The following RPS6KA5 variants were observed in gnomAD, a reference collection of about 807,000 sequenced individuals.
RPS6KA5 encodes ribosomal protein S6 kinase A5, also known as ribosomal protein S6 kinase alpha-5.
A neutral mutation model predicts 85.5 loss-of-function variants in RPS6KA5; 27 were observed. That is an observed-to-expected ratio of 0.32 (90% CI 0.23 to 0.44). The LOEUF (loss-of-function observed/expected upper bound fraction) is 0.44, where lower values mean the gene tolerates loss of function less well. Among genes scored for constraint, RPS6KA5 ranks in the 20% least tolerant of loss-of-function variants. The pLI, the probability that RPS6KA5 is intolerant of heterozygous loss-of-function variation, is 1.00. For missense variants in RPS6KA5, 811 were observed against 980.9 expected, an observed-to-expected ratio of 0.83 and a Z score of 2.31; for synonymous variants, 334 against 348.2, an observed-to-expected ratio of 0.96 and a Z score of 0.46.
intron 1 of RPS6KA5, among the ~76,000 whole-genome samples, chr14:91,017,873 C>T (rs925028954): frequency 1.3e-5 from 2 of 152,206 alleles, no homozygotes; most frequent in Admixed American, 6.5e-5. Flanking sequence ...CTTTGGGCTC[C>T]TTATGCCTTT....
intron 3 of RPS6KA5, among the ~76,000 whole-genome samples, chr14:90,948,643 G>A (rs893600259): frequency 2.6e-5 from 4 of 151,772 alleles, no homozygotes; most frequent in South Asian, 2.1e-4. Flanking sequence ...TGCAGTGAGC[G>A]GAGATCGCGC....
chr14:91,021,501 C>A (rs577037523), intron 1 of RPS6KA5, among the ~76,000 whole-genome samples: 140 of 152,274 alleles, frequency 9.2e-4, no homozygotes, highest in Admixed American at 2.0e-3. Flanking sequence ...ATAAGCCAGG[C>A]ATGGTGGTTC....
chr14:90,900,814 T>A (rs2035124765), intron 9 of RPS6KA5, 78 bp from the exon 10 acceptor site: 3 of 1,276,900 alleles, frequency 2.3e-6, no homozygotes, highest in Non-Finnish European at 3.2e-6. Flanking sequence ...TGTAATGACT[T>A]TTTTTCCTTA....
At chr14:91,051,072 T>A (rs2043059366) in intron 1 of RPS6KA5, among the ~76,000 whole-genome samples, 1 of 150,334 alleles carries the variant, frequency 6.7e-6, no homozygotes, top group East Asian at 2.0e-4. Context: ...TACCAAAAAA[T>A]ACAAAAATAA....
chr14:91,005,040 C>T (rs1199948905), intron 1 of RPS6KA5, among the ~76,000 whole-genome samples: 1 of 152,008 alleles, frequency 6.6e-6, no homozygotes, highest in Non-Finnish European at 1.5e-5. Context: ...TGTTCCATTA[C>T]CCTGAAAAGT....
intron 2 of RPS6KA5, among the ~76,000 whole-genome samples, chr14:90,997,976 C>A (rs2040601722): frequency 7.0e-6 from 1 of 142,948 alleles, no homozygotes; most frequent in Admixed American, 7.2e-5. Context: ...CCACTGCACT[C>A]CAACCTGGGT....
In RPS6KA5 at chr14:90,890,646, C is replaced by T. The variant is rs2034498876; in HGVS notation, c.1677G>A (p.Leu559=). 1 of 1,613,760 alleles carries T rather than the reference C, an allele frequency of 6.2e-7. No homozygotes were observed. The highest frequency in any genetic ancestry group is 8.5e-7 in the Non-Finnish European group (1 of 1,179,928). The change falls in exon 14 of 17, where the codon TTG becomes TTA. Residue 559 remains leucine (L), a synonymous_variant. Transcript: ENST00000614987. ...ATCCAAAATCAATTATTTTAATTTC[C>T]AAATTGTCATTTTCATCGGTGAACA... The part of the protein sequence containing the change: ...NLLFTDENDN[L]EIKIIDFGFA...
At chr14:90,966,572 C>G (rs1257072015) in intron 3 of RPS6KA5, among the ~76,000 whole-genome samples, 1 of 152,138 alleles carries the variant, frequency 6.6e-6, no homozygotes, top group African/African-American at 2.4e-5. Flanking sequence ...GGAGTCATAC[C>G]TCTTTATTTA....
intron 5 of RPS6KA5, among the ~76,000 whole-genome samples, chr14:90,930,601 C>T (rs1480856268): frequency 2.0e-5 from 3 of 151,972 alleles, no homozygotes; most frequent in East Asian, 1.9e-4. Context: ...GAAAGGCAAC[C>T]TACAGAATGG....
At chr14:91,034,033 C>T (rs2042298550) in intron 1 of RPS6KA5, among the ~76,000 whole-genome samples, 2 of 152,086 alleles carry the variant, frequency 1.3e-5, no homozygotes, top group Admixed American at 1.3e-4. Context: ...AGGCCAGGCG[C>T]AGTGGTTCAT....
At chr14:91,011,372 G>C (rs2041249853) in intron 1 of RPS6KA5, among the ~76,000 whole-genome samples, 1 of 152,070 alleles carries the variant, frequency 6.6e-6, no homozygotes, top group Non-Finnish European at 1.5e-5. Flanking sequence ...TGTAGTCCCA[G>C]CTACTCAGGG....
Position 90,870,805 on chromosome 14 carries a change from C to CTTTTTTTTTTTTTTT in RPS6KA5, c.*1254_*1268dup, listed in dbSNP as rs78409439. The CTTTTTTTTTTTTTTT allele has an allele frequency of 1.2e-5, 1 of 85,850 alleles. No homozygotes were observed. The highest frequency in any genetic ancestry group is 2.3e-5 in the Non-Finnish European group (1 of 44,098). 5.3% of individuals were successfully genotyped at this position (85,850 alleles called of 1,614,324 possible). ...ATATAACACACAAACCCTATCACTTCTTTTTTTTTTTTTTTTTTTTTTGCA... is the reference window on the plus strand; with the variant it reads ...ATATAACACACAAACCCTATCACTTCTTTTTTTTTTTTTTTTTTTTTTTTTTTTTTTTTTTTTGCA... On this transcript the variant is annotated 3_prime_UTR_variant, in exon 17 of 17. Coordinates refer to ENST00000614987, the MANE Select transcript of RPS6KA5 (RefSeq NM_004755.4).
chr14:91,038,675 T>TA (rs1319544050), intron 1 of RPS6KA5, among the ~76,000 whole-genome samples: 2 of 152,208 alleles, frequency 1.3e-5, no homozygotes, highest in African/African-American at 4.8e-5. Flanking sequence ...GTGTGGGAGT[T>TA]ACAACAGTGC....
chr14:90,923,557 C>A (rs1200726633), intron 5 of RPS6KA5, among the ~76,000 whole-genome samples: 1 of 151,998 alleles, frequency 6.6e-6, no homozygotes, highest in Non-Finnish European at 1.5e-5. Context: ...TTGAAGAATG[C>A]AAATAGTCCT....
chr14:90,985,697 A>C (rs1414985861), intron 2 of RPS6KA5, among the ~76,000 whole-genome samples: 1 of 152,174 alleles, frequency 6.6e-6, no homozygotes. Flanking sequence ...TCCTAAGACC[A>C]ACTTAGTCTT....
intron 5 of RPS6KA5, 88 bp from the exon 6 acceptor site, chr14:90,923,284 A>T: frequency 9.6e-7 from 1 of 1,039,702 alleles, no homozygotes; most frequent in South Asian, 1.3e-5. Flanking sequence ...AGTGGTTGAG[A>T]TACACTATAG....
chr14:91,021,009 T>C (rs1006739755), intron 1 of RPS6KA5, among the ~76,000 whole-genome samples: 1 of 152,204 alleles, frequency 6.6e-6, no homozygotes, highest in Non-Finnish European at 1.5e-5. Flanking sequence ...TTAATGACAT[T>C]AGATTTATCA....
intron 2 of RPS6KA5, among the ~76,000 whole-genome samples, chr14:90,988,647 T>C (rs2140519211): frequency 6.6e-6 from 1 of 152,260 alleles, no homozygotes; most frequent in East Asian, 1.9e-4. Context: ...ACGCCGTCTC[T>C]ACTAAAAATA....
intron 5 of RPS6KA5, among the ~76,000 whole-genome samples, chr14:90,936,537 C>T (rs987658016): frequency 6.6e-5 from 10 of 151,876 alleles, no homozygotes; most frequent in African/African-American, 2.4e-4. Flanking sequence ...GGGTGACAGA[C>T]CAAGACCCCA....
Sources: allele counts gnomAD v4.1 joint callset (sites outside exome capture counted in the v4.1 genomes callset), GRCh38; gene constraint gnomAD v4.1.1; transcripts MANE v1.5; gene names NCBI Gene and HGNC (gene_info 2026-07-23, HGNC 2026-07-21).